PTPRD: variants seen among roughly 807,000 people sequenced by gnomAD.
The protein encoded by PTPRD is protein tyrosine phosphatase receptor type D.
Under a neutral mutation model 214.5 loss-of-function variants are expected in PTPRD, and 34 were observed. The ratio of observed to expected loss-of-function variants is 0.16; its 90% CI spans 0.12 to 0.21. The LOEUF is 0.21. PTPRD is among the 10% of genes least tolerant of loss of function. PTPRD has a pLI of 1.00. For missense variants in PTPRD, 2,545 were observed against 2,398.7 expected (o/e 1.06, Z -1.27); for synonymous variants, 1,128 against 845.7 (o/e 1.33, Z -5.79).
chr9:9,619,119 A>C (rs73641339), intron 7 of PTPRD, among the ~76,000 whole-genome samples: 3,452 of 152,250 alleles, frequency 0.023, 126 homozygotes, highest in African/African-American at 0.079. Flanking sequence ...ATTTCATATT[A>C]TACTAAGGCA....
rs537301152 is a variant in PTPRD at position 10,516,273 on chromosome 9, G to C, written c.-600+96125C>G. Among the ~76,000 whole-genome samples the C allele has an allele frequency of 2.6e-5, 4 of 151,740 alleles. 1 individual carries two copies. Among genetic ancestry groups the C allele is most frequent in the African/African-American group, 4.8e-5 (2 of 41,410 alleles). ...AAAAAAATAATAGTCATCCTAACTG[G>C]CATGAGGTGATATCTCATTGTGGTT... On this transcript the variant is annotated intron_variant, in intron 2 of 45. Transcript: ENST00000381196.
chr9:10,409,675 T>C (rs1399897105), intron 2 of PTPRD, among the ~76,000 whole-genome samples: 3 of 151,950 alleles, frequency 2.0e-5, no homozygotes, highest in African/African-American at 4.8e-5. Context: ...CTTTAAATAA[T>C]AGAATCTCAT....
At chr9:8,484,037 T>A in intron 30 of PTPRD, 82 bp downstream of exon 30, 4 of 1,510,912 alleles carry the variant, frequency 2.6e-6, no homozygotes, top group Non-Finnish European at 3.6e-6. Flanking sequence ...TATCTTCTTT[T>A]ACGACCTCTA....
At chr9:9,444,534 C>T (rs2089655215) in intron 8 of PTPRD, among the ~76,000 whole-genome samples, 1 of 152,082 alleles carries the variant, frequency 6.6e-6, no homozygotes, top group Non-Finnish European at 1.5e-5. Context: ...AAATGATTGC[C>T]AGTGCTCTAA....
At chr9:8,855,643 T>G (rs1422057368) in intron 11 of PTPRD, among the ~76,000 whole-genome samples, 1 of 152,164 alleles carries the variant, frequency 6.6e-6, no homozygotes, top group East Asian at 1.9e-4. Flanking sequence ...CTATTTAAAA[T>G]AAGATACAGA....
At chr9:10,168,239 T>A (rs984115661) in intron 3 of PTPRD, among the ~76,000 whole-genome samples, 4 of 152,222 alleles carry the variant, frequency 2.6e-5, no homozygotes, top group Admixed American at 1.3e-4. Flanking sequence ...ACATTATAAT[T>A]TTATTCAATT....
rs1064271 is a variant in PTPRD, at chr9:8,317,413, C to T, written c.*461G>A. 1.8e-4 allele frequency: 41 copies of T among 233,114 alleles called. 2 individuals carry two copies. The highest frequency in any genetic ancestry group is 5.1e-4 in the African/African-American group (23 of 45,256). The allele number at this position is 233,114 out of a possible 1,614,324, so 14.4% of individuals were successfully genotyped here. ...TCTTTTTAAACATTCCCTCCCCTTTCCCCCTAAAATGTTATTATGAGCAGT... is the reference window on the plus strand; with the variant it reads ...TCTTTTTAAACATTCCCTCCCCTTTTCCCCTAAAATGTTATTATGAGCAGT... On this transcript the variant is annotated 3_prime_UTR_variant, in exon 46 of 46. Transcript: ENST00000381196.
intron 3 of PTPRD, among the ~76,000 whole-genome samples, chr9:10,258,662 C>G (rs998826801): frequency 6.6e-6 from 1 of 152,050 alleles, no homozygotes; most frequent in African/African-American, 2.4e-5. Flanking sequence ...TTGGTATTGC[C>G]TATAGAAATA....
At chr9:10,499,224 T>C (rs2133130551) in intron 2 of PTPRD, among the ~76,000 whole-genome samples, 1 of 152,044 alleles carries the variant, frequency 6.6e-6, no homozygotes, top group East Asian at 1.9e-4. Flanking sequence ...TTGAGGTTTT[T>C]AAAATGAGAA....
Position 9,766,622 on chromosome 9 carries a change from G to T in PTPRD, c.-326+188C>A, listed in dbSNP as rs182865576. Among the ~76,000 whole-genome samples, 793 of 152,042 alleles carry T rather than the reference G, an allele frequency of 5.2e-3. 9 individuals carry two copies. The highest frequency in any genetic ancestry group is 0.019 in the South Asian group (89 of 4,810). ...ATGGATTAAGGCTTTCTGTACCCAG[G>T]CAATGGTATATATTTGATAGCCAGA... On this transcript the variant is annotated intron_variant, in intron 6 of 45. Coordinates refer to ENST00000381196, the MANE Select transcript of PTPRD (RefSeq NM_002839.4).
intron 10 of PTPRD, among the ~76,000 whole-genome samples, chr9:9,074,732 T>C (rs1001643233): frequency 1.3e-5 from 2 of 151,776 alleles, no homozygotes; most frequent in African/African-American, 4.8e-5. Flanking sequence ...TTCTGTAGAG[T>C]TGTTTGAGCT....
intron 5 of PTPRD, among the ~76,000 whole-genome samples, chr9:9,831,579 T>C (rs997984795): frequency 6.6e-6 from 1 of 151,980 alleles, no homozygotes; most frequent in African/African-American, 2.4e-5. Flanking sequence ...CTGTAGGAGT[T>C]GACTTGCAAC....
chr9:9,800,073 A>G (rs997849482), intron 5 of PTPRD, among the ~76,000 whole-genome samples: 1 of 152,176 alleles, frequency 6.6e-6, no homozygotes, highest in African/African-American at 2.4e-5. Context: ...TCCCGAAGAG[A>G]TTTCTGTCAA....
At chr9:8,826,868 A>G (rs1405645962) in intron 11 of PTPRD, among the ~76,000 whole-genome samples, 1 of 151,922 alleles carries the variant, frequency 6.6e-6, no homozygotes, top group Non-Finnish European at 1.5e-5. Context: ...CTCTAACCCC[A>G]CACACTGGTT....
chr9:9,044,908 A>C (rs1230921972), intron 10 of PTPRD, among the ~76,000 whole-genome samples: 7 of 152,238 alleles, frequency 4.6e-5, no homozygotes, highest in Non-Finnish European at 1.0e-4. Flanking sequence ...AACCCAAGAC[A>C]GCACTAGTCA....
intron 31 of PTPRD, among the ~76,000 whole-genome samples, chr9:8,466,856 G>C (rs2096554099): frequency 6.6e-6 from 1 of 151,782 alleles, no homozygotes; most frequent in Non-Finnish European, 1.5e-5. Flanking sequence ...AAATGATCTA[G>C]TAAGAACCAA....
At chr9:9,344,890 A>G (rs911791004) in intron 9 of PTPRD, among the ~76,000 whole-genome samples, 14 of 152,146 alleles carry the variant, frequency 9.2e-5, no homozygotes, top group African/African-American at 2.4e-4. Flanking sequence ...TATTCTATCA[A>G]TAAGAACTCT....
intron 2 of PTPRD, among the ~76,000 whole-genome samples, chr9:10,573,512 T>A (rs2068153782): frequency 6.6e-6 from 1 of 152,030 alleles, no homozygotes; most frequent in Admixed American, 6.6e-5. Context: ...CAACTAGACA[T>A]AGCCAGGAGG....
At chr9:9,022,062 G>A (rs1484256568) in intron 10 of PTPRD, among the ~76,000 whole-genome samples, 1 of 151,822 alleles carries the variant, frequency 6.6e-6, no homozygotes, top group Non-Finnish European at 1.5e-5. Flanking sequence ...CATAGGTGCA[G>A]CAGACCATCA....
Sources: gnomAD v4.1 joint callset for allele counts (sites outside exome capture counted in the v4.1 genomes callset) on GRCh38, gnomAD v4.1.1 for gene constraint, MANE v1.5 for transcripts, NCBI Gene and HGNC (gene_info 2026-07-23, HGNC 2026-07-21) for gene names.